The following KCNC2 variants were observed in gnomAD, a reference collection of about 807,000 sequenced individuals.
KCNC2 encodes the protein voltage-gated potassium channel KCNC2.
KCNC2 carries 21 observed loss-of-function variants against 44.5 expected under a neutral mutation model. The ratio of observed to expected loss-of-function variants is 0.47; its 90% CI spans 0.33 to 0.68. The LOEUF (loss-of-function observed/expected upper bound fraction) is 0.68, where lower values mean the gene tolerates loss of function less well. KCNC2 is among the 30% of genes least tolerant of loss of function. The pLI, the probability that KCNC2 is intolerant of heterozygous loss-of-function variation, is 0.01. For missense variants in KCNC2, 589 were observed against 826.2 expected (o/e 0.71, Z 3.52); for synonymous variants, 391 against 339.1 (o/e 1.15, Z -1.68).
At position 75,174,014 on chromosome 12, in the gene KCNC2, T is replaced by A. The variant is rs1892008733; in HGVS notation, c.687+33283A>T. ...GCATGTCATTTCTTCATCTTCTGAT[T>A]TTTTTCATATTTAGTATAATACTTT... On this transcript the variant is annotated intron_variant, in intron 2 of 4. Coordinates refer to ENST00000549446, the MANE Select transcript of KCNC2 (RefSeq NM_139137.4). Among the ~76,000 whole-genome samples the A allele has an allele frequency of 2.0e-5, 3 of 151,980 alleles. No homozygotes were observed. In the South Asian group the frequency reaches 6.2e-4, roughly 32 times the overall value.
intron 2 of KCNC2, among the ~76,000 whole-genome samples, chr12:75,173,444 T>C (rs1891966153): frequency 6.6e-6 from 1 of 151,834 alleles, no homozygotes; most frequent in Non-Finnish European, 1.5e-5. Context: ...GCCTGTAAAC[T>C]ACACTTTCCA....
At chr12:75,126,186 G>A (rs930634275) in intron 2 of KCNC2, among the ~76,000 whole-genome samples, 1 of 152,126 alleles carries the variant, frequency 6.6e-6, no homozygotes, top group Non-Finnish European at 1.5e-5. Flanking sequence ...AGGGCGACAT[G>A]AATTACTTTC....
At chr12:75,136,333 A>C (rs80259515) in intron 2 of KCNC2, among the ~76,000 whole-genome samples, 19,398 of 152,128 alleles carry the variant, frequency 0.13, 1,379 homozygotes, top group Middle Eastern at 0.24. Context: ...AGAAATAACA[A>C]AAATCAGAAT....
chr12:75,092,903 A>C (rs975162444), intron 2 of KCNC2, among the ~76,000 whole-genome samples: 5 of 151,594 alleles, frequency 3.3e-5, no homozygotes, highest in African/African-American at 1.2e-4. Context: ...TTGCAGTAGA[A>C]GTCATTCTTG....
intron 2 of KCNC2, 57 bp from the exon 3 acceptor site, chr12:75,051,374 G>T: frequency 1.0e-6 from 1 of 970,564 alleles, no homozygotes; most frequent in Non-Finnish European, 1.5e-6. Flanking sequence ...AATATATGTT[G>T]ATTCTAATCT....
chr12:75,198,932 T>C (rs924378604), intron 2 of KCNC2, among the ~76,000 whole-genome samples: 41 of 151,896 alleles, frequency 2.7e-4, no homozygotes, highest in Admixed American at 6.6e-4. Flanking sequence ...ATATTTAGAG[T>C]CAATTAATAT....
chr12:75,130,288 CTA>C (rs1468398157), intron 2 of KCNC2, among the ~76,000 whole-genome samples: 2 of 152,072 alleles, frequency 1.3e-5, no homozygotes, highest in Non-Finnish European at 2.9e-5. Flanking sequence ...TCTGTCTCCT[CTA>C]TGTTTCTTTC....
chr12:75,041,318 A>C lies in KCNC2; in HGVS notation c.*1787T>G. 6.0e-6 allele frequency: 9 copies of C among 1,500,472 alleles called. No individual in the cohort carries two copies. Among genetic ancestry groups the C allele is most frequent in the Non-Finnish European group, 8.0e-6 (9 of 1,127,396 alleles). 92.9% of individuals were successfully genotyped at this position (1,500,472 alleles called of 1,614,324 possible). ...TATCAAAAGAATCACTGTGTCTCTA[A>C]ATATCATATATGTATGTCTGGATAA... On this transcript the variant is annotated 3_prime_UTR_variant, in exon 5 of 5. Coordinates refer to ENST00000549446, the MANE Select transcript of KCNC2 (RefSeq NM_139137.4).
At chr12:75,147,244 A>G (rs926923034) in intron 2 of KCNC2, among the ~76,000 whole-genome samples, 1 of 152,182 alleles carries the variant, frequency 6.6e-6, no homozygotes, top group Non-Finnish European at 1.5e-5. Flanking sequence ...TACAGACAGA[A>G]ACATGAAATT....
rs141200231 is a variant in KCNC2, at chr12:75,050,243, CAA to C, written c.1615+145_1615+146del. The C allele has an allele frequency of 1.3e-3, 816 of 634,886 alleles. 3 individuals are homozygous for C. In the African/African-American group the frequency reaches 0.013, roughly 10 times the overall value. The allele number at this position is 634,886 out of a possible 1,614,324, so 39.3% of individuals were successfully genotyped here. A position where few individuals can be genotyped will look rare whatever the true frequency, so the allele number is the denominator to read the frequency against. On this transcript the variant is annotated intron_variant, in intron 3 of 4. Coordinates refer to ENST00000549446, the MANE Select transcript of KCNC2 (RefSeq NM_139137.4). ...GAAAATGCTACAGTCTAGCTATCTA[CAA>C]GCCTGACACAAACACACATTTCGTG... is the stretch of plus-strand genomic sequence containing the variant.
chr12:75,149,199 G>T (rs987618865), intron 2 of KCNC2, among the ~76,000 whole-genome samples: 2 of 151,704 alleles, frequency 1.3e-5, no homozygotes, highest in African/African-American at 4.8e-5. Flanking sequence ...CTCTGTATTT[G>T]TGTCTGTGTG....
chr12:75,077,841 G>A (rs1271281536), intron 2 of KCNC2, among the ~76,000 whole-genome samples: 1 of 151,998 alleles, frequency 6.6e-6, no homozygotes, highest in African/African-American at 2.4e-5. Context: ...TGACAAGAAA[G>A]GAAGAGGAAG....
At chr12:75,202,151 C>T (rs1278103069) in intron 2 of KCNC2, among the ~76,000 whole-genome samples, 2 of 151,812 alleles carry the variant, frequency 1.3e-5, no homozygotes, top group Non-Finnish European at 3.0e-5. Context: ...CTTTCCTTGT[C>T]TTTTATTTAA....
intron 3 of KCNC2, 69 bp from the exon 4 acceptor site, chr12:75,048,386 C>T (rs769340264): frequency 9.1e-6 from 12 of 1,319,978 alleles, no homozygotes; most frequent in Non-Finnish European, 1.2e-5. Context: ...AAAGAGTTTA[C>T]ACAGAATGCC....
intron 2 of KCNC2, among the ~76,000 whole-genome samples, chr12:75,139,583 C>T (rs1266305175): frequency 6.6e-6 from 1 of 152,192 alleles, no homozygotes; most frequent in Non-Finnish European, 1.5e-5. Flanking sequence ...ATTACCCTGA[C>T]TCAGCCTTTC....
intron 2 of KCNC2, among the ~76,000 whole-genome samples, chr12:75,059,255 A>C (rs1174738599): frequency 6.6e-6 from 1 of 152,136 alleles, no homozygotes. Context: ...CAAGTTAACT[A>C]TATCAACTGC....
chr12:75,151,640 A>C (rs1213428278), intron 2 of KCNC2, among the ~76,000 whole-genome samples: 1 of 151,810 alleles, frequency 6.6e-6, no homozygotes, highest in Non-Finnish European at 1.5e-5. Flanking sequence ...ATAATACAAA[A>C]ATTTTAAAAG....
chr12:75,176,976 A>T (rs1310917453), intron 2 of KCNC2, among the ~76,000 whole-genome samples: 3 of 150,920 alleles, frequency 2.0e-5, no homozygotes, highest in Non-Finnish European at 4.4e-5. Context: ...GTTAAAATGT[A>T]TAAAGAAGAA....
rs200705198 is a variant in KCNC2 at position 75,041,210 on chromosome 12, T to C, written c.*1895A>G. Reference sequence around the variant, plus strand: ...CCATGATAAATTCTGTACAACACTGTAGTCAATAACAGCAGCACCAGACAG... The same window carrying C: ...CCATGATAAATTCTGTACAACACTGCAGTCAATAACAGCAGCACCAGACAG... On this transcript the variant is annotated 3_prime_UTR_variant, in exon 5 of 5. Transcript: ENST00000549446. The C allele has an allele frequency of 1.5e-5, 24 of 1,595,374 alleles. No individual in the cohort carries two copies. The highest frequency in any genetic ancestry group is 1.9e-5 in the Non-Finnish European group (22 of 1,177,692).
Sources: gnomAD v4.1 joint callset for allele counts (sites outside exome capture counted in the v4.1 genomes callset) on GRCh38, gnomAD v4.1.1 for gene constraint, MANE v1.5 for transcripts, NCBI Gene and HGNC (gene_info 2026-07-23, HGNC 2026-07-21) for gene names.